Variants in NINL observed in about 807,000 individuals in gnomAD.
NINL encodes ninein like.
A neutral mutation model predicts 160.3 loss-of-function variants in NINL; 153 were observed. That is an observed-to-expected ratio of 0.95 (90% CI 0.84 to 1.09). The LOEUF is 1.09. Among genes scored for constraint, NINL ranks in the 50% least tolerant of loss-of-function variants. The pLI is 0.00. For missense variants in NINL, 1,829 were observed against 1,764.0 expected, an observed-to-expected ratio of 1.04 and a Z score of -0.66; for synonymous variants, 800 against 734.8, an observed-to-expected ratio of 1.09 and a Z score of -1.43.
At chr20:25,467,578 C>A (rs1601018937) in intron 18 of NINL, 120 bp from the exon 19 acceptor site, 2 of 754,684 alleles carry the variant, frequency 2.7e-6, no homozygotes, top group East Asian at 5.1e-5. Flanking sequence ...GACGCCCACA[C>A]CTGCCCCTGG....
Position 25,493,732 on chromosome 20 carries a change from G to A in NINL, c.1311-2207C>T, listed in dbSNP as rs527794236. On this transcript the variant is annotated intron_variant, in intron 10 of 23. Transcript: ENST00000278886. ...GCTGGCCCAGAATAGTTCAGCTGAC[G>A]GAGACCACAGAGACCCTCCCTGCCC... Among the ~76,000 whole-genome samples the A allele has an allele frequency of 5.3e-4, 81 of 152,134 alleles. 1 individual carries two copies. Among genetic ancestry groups the A allele is most frequent in the Non-Finnish European group, 6.6e-4 (45 of 67,966 alleles).
At chr20:25,528,912 C>T (rs953043757) in intron 1 of NINL, among the ~76,000 whole-genome samples, 1 of 152,196 alleles carries the variant, frequency 6.6e-6, no homozygotes, top group Non-Finnish European at 1.5e-5. Context: ...TCCAGCAAGG[C>T]ACAGCACAGT....
Position 25,489,997 on chromosome 20 carries a change from AG to A in NINL, c.1486-13del, listed in dbSNP as rs1568901466. On this transcript the variant is annotated splice_polypyrimidine_tract_variant and intron_variant, in intron 11 of 23. Coordinates refer to ENST00000278886, the MANE Select transcript of NINL (RefSeq NM_025176.6). ...AGGCGACTGTTTTCCTAGGAGACAC[AG>A]GCCAGTGGCTCATCAGGCTCCTGCA... The A allele has an allele frequency of 1.2e-6, 2 of 1,609,894 alleles. No homozygotes were observed. The highest frequency in any genetic ancestry group is 1.7e-5 in the Admixed American group (1 of 60,024).
chr20:25,500,036 C>T (rs899648092), intron 8 of NINL, among the ~76,000 whole-genome samples: 8 of 150,418 alleles, frequency 5.3e-5, no homozygotes, highest in Non-Finnish European at 1.2e-4. Flanking sequence ...ACACCCACTA[C>T]ACCAACAGCT....
At position 25,453,630 on chromosome 20, in the gene NINL, TG is replaced by T. The variant is rs1370421687; in HGVS notation, c.3969del (p.Asn1323LysfsTer8). The T allele has an allele frequency of 6.2e-7, 1 of 1,605,388 alleles. No individual in the cohort carries two copies. The highest frequency in any genetic ancestry group is 2.2e-5 in the East Asian group (1 of 44,662). The stretch of plus-strand genomic sequence containing the variant: ...TCCTTCAGCAGCAGGTCGGACTTCG[TG>T]TTCTTTTCAAACTAGAGAGGGGAGG... ...VDKLKEQFEK[N>X]TKSDLLLKEL... is the part of the protein sequence containing the mutation. On this transcript the variant is annotated frameshift_variant, in exon 24 of 24. Coordinates refer to ENST00000278886, the MANE Select transcript of NINL (RefSeq NM_025176.6). LOFTEE classifies it low-confidence loss of function (END_TRUNC).
At chr20:25,458,785 T>C in intron 21 of NINL, 1 of 491,960 alleles carries the variant, frequency 2.0e-6, no homozygotes, top group East Asian at 3.5e-5. Flanking sequence ...GACGCTGACC[T>C]CCTGTCAGAC....
At chr20:25,459,894 C>T (rs1363745189) in intron 21 of NINL, among the ~76,000 whole-genome samples, 4 of 152,154 alleles carry the variant, frequency 2.6e-5, no homozygotes, top group South Asian at 2.1e-4. Context: ...CAGGGAAAGA[C>T]GTCCCCAGGG....
At chr20:25,518,522 T>C (rs1267146600) in intron 2 of NINL, among the ~76,000 whole-genome samples, 1 of 152,266 alleles carries the variant, frequency 6.6e-6, no homozygotes, top group Non-Finnish European at 1.5e-5. Flanking sequence ...AGTATTTACA[T>C]GATATTATCT....
At chr20:25,461,009 C>T (rs1314579949) in intron 21 of NINL, among the ~76,000 whole-genome samples, 1 of 152,194 alleles carries the variant, frequency 6.6e-6, no homozygotes, top group African/African-American at 2.4e-5. Context: ...GGCCCCTGCT[C>T]GGCTGCCCCT....
intron 19 of NINL, among the ~76,000 whole-genome samples, chr20:25,463,848 C>A (rs2062848533): frequency 6.6e-6 from 1 of 152,214 alleles, no homozygotes; most frequent in African/African-American, 2.4e-5. Flanking sequence ...CAATTCCTTG[C>A]AAATTAACCT....
intron 1 of NINL, among the ~76,000 whole-genome samples, chr20:25,584,849 T>C (rs527797215): frequency 6.6e-6 from 1 of 152,352 alleles, no homozygotes; most frequent in African/African-American, 2.4e-5. Context: ...CCACATGGTG[T>C]GTGTGACTGC....
At chr20:25,582,124 G>A (rs901309196) in intron 1 of NINL, among the ~76,000 whole-genome samples, 26 of 152,104 alleles carry the variant, frequency 1.7e-4, no homozygotes, top group Non-Finnish European at 3.5e-4. Context: ...GCATGGTGGT[G>A]TACTCCTATA....
rs749674928 is a variant in NINL, at chr20:25,453,563, G to T, written c.4037C>A (p.Ala1346Asp). 1.2e-6 allele frequency: 2 copies of T among 1,613,986 alleles called. No homozygotes were observed. Among genetic ancestry groups the T allele is most frequent in the African/African-American group, 2.7e-5 (2 of 74,908 alleles). ...GGCGCCTCGCTGCTTCTCCTCGGTGGCCTGAAGTGCTCTCACCAGGTGGGC... is the reference window on the plus strand; with the variant it reads ...GGCGCCTCGCTGCTTCTCCTCGGTGTCCTGAAGTGCTCTCACCAGGTGGGC... ...ENAHLVRALQ[A>D]TEEKQRGAEK... Residue 1346 changes from alanine (A) to aspartate (D), a missense_variant, in exon 24 of 24, where the codon GCC (alanine) becomes GAC (aspartate). By Grantham distance (126) the Ala-to-Asp change is moderately radical (BLOSUM62 -2). Coordinates refer to ENST00000278886, the MANE Select transcript of NINL (RefSeq NM_025176.6).
intron 1 of NINL, among the ~76,000 whole-genome samples, chr20:25,567,034 A>T (rs1195583652): frequency 6.6e-6 from 1 of 152,004 alleles, no homozygotes; most frequent in African/African-American, 2.4e-5. Flanking sequence ...TAGTCCCAGG[A>T]GTTTGAGGCT....
rs752730160 is a variant in NINL at position 25,476,417 on chromosome 20, C to T, written c.2874G>A (p.Trp958Ter). Residue 958 changes from tryptophan to a stop codon, truncating the protein, a stop_gained, in exon 17 of 24, where the codon TGG (tryptophan) becomes TGA (stop). Coordinates refer to ENST00000278886, the MANE Select transcript of NINL (RefSeq NM_025176.6). LOFTEE classifies it high-confidence loss of function. The part of the protein sequence containing the change: ...RDASQTQPRM[W>*]EPPLRPAASC... ...AAGCGGCCGGCCTCAGGGGTGGCTCCCACATCCGTGGCTGGGTTTGCGAGG... is the reference window on the plus strand; with the variant it reads ...AAGCGGCCGGCCTCAGGGGTGGCTCTCACATCCGTGGCTGGGTTTGCGAGG... 4.0e-6 allele frequency: 2 copies of T among 497,528 alleles called. No individual in the cohort carries two copies. Among genetic ancestry groups the T allele is most frequent in the African/African-American group, 1.1e-4 (2 of 17,738 alleles). The allele number at this position is 497,528 out of a possible 1,614,324, so 30.8% of individuals were successfully genotyped here.
At chr20:25,489,425 A>C (rs988207801) in intron 12 of NINL, 101 bp from the exon 13 acceptor site, 2 of 929,808 alleles carry the variant, frequency 2.2e-6, no homozygotes, top group Non-Finnish European at 3.5e-6. Context: ...GCTTCTGCCA[A>C]CACCAGGCGC....
chr20:25,490,036 T>A, intron 11 of NINL, 51 bp from the exon 12 acceptor site: 1 of 1,495,656 alleles, frequency 6.7e-7, no homozygotes. Context: ...ACGGAGGGGA[T>A]GTGTGCAGGA....
chr20:25,568,825 C>T (rs1295058012), intron 1 of NINL, among the ~76,000 whole-genome samples: 9 of 151,970 alleles, frequency 5.9e-5, no homozygotes, highest in African/African-American at 2.2e-4. Flanking sequence ...GGTGGCTCAT[C>T]CCTATAATCC....
At chr20:25,530,876 G>C (rs1786974241) in intron 1 of NINL, among the ~76,000 whole-genome samples, 1 of 152,164 alleles carries the variant, frequency 6.6e-6, no homozygotes, top group Admixed American at 6.5e-5. Context: ...TGAAGTTTCA[G>C]GCACACATTG....
Sources: gnomAD v4.1 joint callset for allele counts (sites outside exome capture counted in the v4.1 genomes callset) on GRCh38, gnomAD v4.1.1 for gene constraint, MANE v1.5 for transcripts, NCBI Gene and HGNC (gene_info 2026-07-23, HGNC 2026-07-21) for gene names.